Variants in TMEM272 observed in about 807,000 individuals in gnomAD.
TMEM272 encodes the protein long intergenic non-protein coding RNA 282.
Under a neutral mutation model 3.7 loss-of-function variants are expected in TMEM272, and 8 were observed. The observed-to-expected ratio is 2.17, with a 90% confidence interval of 1.27 to 3.91. The LOEUF (loss-of-function observed/expected upper bound fraction) is 3.91. Ranked by LOEUF, TMEM272 falls within the 30% of genes most tolerant of loss-of-function variation. TMEM272 has a pLI of 0.00. For missense variants in TMEM272, 166 were observed against 91.5 expected (o/e 1.81, Z -3.32); for synonymous variants, 63 against 39.8 (o/e 1.58, Z -2.20).
chr13:51,916,369 T>C, the TMEM272 span, among the ~76,000 whole-genome samples: 1 of 152,226 alleles, frequency 6.6e-6, no homozygotes, highest in South Asian at 2.1e-4. Flanking sequence ...GCAGGAACAA[T>C]AGTATTTTAC....
At chr13:51,893,014 C>A in the TMEM272 span, among the ~76,000 whole-genome samples, 1 of 152,204 alleles carries the variant, frequency 6.6e-6, no homozygotes, top group African/African-American at 2.4e-5. Flanking sequence ...ATTTGTTCAG[C>A]TCTTCCCATT....
the TMEM272 span, chr13:51,909,237 A>G: frequency 1.7e-6 from 2 of 1,210,196 alleles, no homozygotes; most frequent in Non-Finnish European, 2.4e-6. Flanking sequence ...CCATGCTGCC[A>G]AACAATTATC....
At chr13:51,890,098 A>G in the TMEM272 span, among the ~76,000 whole-genome samples, 5 of 152,178 alleles carry the variant, frequency 3.3e-5, no homozygotes, top group African/African-American at 1.2e-4. Flanking sequence ...GCTCAGAGTG[A>G]GCTACAAATG....
the TMEM272 span, among the ~76,000 whole-genome samples, chr13:51,904,825 A>G: frequency 6.6e-6 from 1 of 152,244 alleles, no homozygotes; most frequent in Admixed American, 6.5e-5. Context: ...ATTTCAATTA[A>G]GAAACATTCA....
chr13:51,837,314 G>A (rs569822897), intron 2 of TMEM272, among the ~76,000 whole-genome samples: 3 of 152,094 alleles, frequency 2.0e-5, no homozygotes, highest in Non-Finnish European at 2.9e-5. Flanking sequence ...CTAATTTCCC[G>A]AAGATGTAGA....
At chr13:51,914,857 A>T in the TMEM272 span, among the ~76,000 whole-genome samples, 1 of 152,256 alleles carries the variant, frequency 6.6e-6, no homozygotes, top group Admixed American at 6.5e-5. Context: ...TTTGAACTCC[A>T]GCTTCAAATC....
the TMEM272 span, among the ~76,000 whole-genome samples, chr13:51,901,976 T>TTTC: frequency 6.6e-6 from 1 of 151,420 alleles, no homozygotes; most frequent in Non-Finnish European, 1.5e-5. Flanking sequence ...GAGAGGAGAG[T>TTTC]TTCAAGGAGG....
upstream of TMEM272, among the ~76,000 whole-genome samples, chr13:51,849,150 C>G (rs1041032717): frequency 6.6e-6 from 1 of 152,198 alleles, no homozygotes; most frequent in African/African-American, 2.4e-5. Context: ...CATGGTCCCA[C>G]AACTAGTTCA....
chr13:51,822,194 A>G (rs1209315360), intron 3 of TMEM272, 57 bp from the exon 4 acceptor site: 1 of 645,570 alleles, frequency 1.5e-6, no homozygotes, highest in Non-Finnish European at 2.8e-6. Flanking sequence ...CACAAAGCCC[A>G]GTTTTGAAAA....
chr13:51,819,129 G>C (rs940775279), intron 4 of TMEM272, among the ~76,000 whole-genome samples: 7 of 152,194 alleles, frequency 4.6e-5, no homozygotes. Flanking sequence ...GACTCATCCA[G>C]GGAGGGCTGC....
intron 4 of TMEM272, among the ~76,000 whole-genome samples, chr13:51,820,511 C>T (rs1262798515): frequency 6.6e-6 from 1 of 152,164 alleles, no homozygotes; most frequent in Non-Finnish European, 1.5e-5. Flanking sequence ...TTATTAGGGC[C>T]TTAGTTTGTT....
At chr13:51,865,600 C>A in the TMEM272 span, 4 of 1,614,068 alleles carry the variant, frequency 2.5e-6, no homozygotes, top group Non-Finnish European at 3.4e-6. Context: ...CTTTCCGAGG[C>A]AAGATCCATG....
chr13:51,910,415 C>T, the TMEM272 span: 2 of 1,000,924 alleles, frequency 2.0e-6, no homozygotes, highest in African/African-American at 1.6e-5. Flanking sequence ...CCACATAAAG[C>T]CGACTCCTAA....
At chr13:51,914,514 T>G in the TMEM272 span, among the ~76,000 whole-genome samples, 1 of 152,230 alleles carries the variant, frequency 6.6e-6, no homozygotes, top group African/African-American at 2.4e-5. Context: ...ACATTCCTCT[T>G]GGGGACCCAG....
the TMEM272 span, chr13:51,933,751 C>A: frequency 1.5e-3 from 225 of 152,360 alleles, no homozygotes; most frequent in Middle Eastern, 3.4e-3. Context: ...CTGAACCCCA[C>A]GAGGTGACAG....
chr13:51,886,803 G>C, the TMEM272 span, among the ~76,000 whole-genome samples: 2 of 152,080 alleles, frequency 1.3e-5, no homozygotes, highest in African/African-American at 4.8e-5. Context: ...ATATATTTTG[G>C]TCCCTGTGCT....
intron 1 of TMEM272, among the ~76,000 whole-genome samples, chr13:51,841,155 C>G (rs1956259953): frequency 6.6e-6 from 1 of 152,238 alleles, no homozygotes. Context: ...GGGCCATGGC[C>G]CATCACGGCT....
chr13:51,864,970 A>G, the TMEM272 span, among the ~76,000 whole-genome samples: 1 of 152,242 alleles, frequency 6.6e-6, no homozygotes, highest in East Asian at 1.9e-4. Context: ...ATAGGCAGAT[A>G]GGAACAATTC....
the TMEM272 span, among the ~76,000 whole-genome samples, chr13:51,905,349 G>A: frequency 6.6e-6 from 1 of 152,172 alleles, no homozygotes; most frequent in Admixed American, 6.5e-5. Context: ...CTCGGACACG[G>A]CAGGTCCCAC....
Sources: gnomAD v4.1 joint callset for allele counts (sites outside exome capture counted in the v4.1 genomes callset) on GRCh38, gnomAD v4.1.1 for gene constraint, MANE v1.5 for transcripts, NCBI Gene and HGNC (gene_info 2026-07-23, HGNC 2026-07-21) for gene names.